RANBP2: variants seen among roughly 807,000 people sequenced by gnomAD.
RANBP2 encodes E3 SUMO-protein ligase RanBP2.
In RANBP2, 57 loss-of-function variants were observed where a neutral mutation model predicts 303.6. The observed-to-expected ratio is 0.19, with a 90% CI of 0.15 to 0.23. The LOEUF (loss-of-function observed/expected upper bound fraction) is 0.23. RANBP2 is among the 10% of genes least tolerant of loss of function. RANBP2 has a pLI of 1.00. For missense variants in RANBP2, 3,138 were observed against 3,780.8 expected, an observed-to-expected ratio of 0.83 and a Z score of 4.46; for synonymous variants, 1,167 against 1,301.5, an observed-to-expected ratio of 0.90 and a Z score of 2.23.
At chr2:109,432,431 C>G in the RANBP2 span, 4,717 of 1,575,952 alleles carry the variant, frequency 3.0e-3, 110 homozygotes, top group East Asian at 0.051. Flanking sequence ...AACCTCCCCC[C>G]AGGAATGCCG....
chr2:109,610,506 G>A, the RANBP2 span, among the ~76,000 whole-genome samples: 1 of 152,136 alleles, frequency 6.6e-6, no homozygotes, highest in Non-Finnish European at 1.5e-5. Flanking sequence ...CCTGAGGTTG[G>A]GAGTTCAAGA....
the RANBP2 span, among the ~76,000 whole-genome samples, chr2:109,719,447 G>A: frequency 2.1e-3 from 256 of 122,212 alleles, no homozygotes; most frequent in Non-Finnish European, 1.7e-3. Flanking sequence ...TTGCTCTGTC[G>A]CCAGGCTGGA....
At chr2:108,727,681 GCAGCCT>G (rs1202321283) in intron 1 of RANBP2, among the ~76,000 whole-genome samples, 1 of 146,802 alleles carries the variant, frequency 6.8e-6, no homozygotes, top group African/African-American at 2.5e-5. Flanking sequence ...TTGGCCCACT[GCAGCCT>G]CTGCCTCCCG....
At chr2:109,331,464 C>T in the RANBP2 span, among the ~76,000 whole-genome samples, 1 of 152,132 alleles carries the variant, frequency 6.6e-6, no homozygotes, top group Non-Finnish European at 1.5e-5. Flanking sequence ...GGAGCACTTT[C>T]TCCCAAAACC....
At chr2:109,054,439 G>T in the RANBP2 span, among the ~76,000 whole-genome samples, 1 of 152,164 alleles carries the variant, frequency 6.6e-6, no homozygotes, top group Non-Finnish European at 1.5e-5. Flanking sequence ...GGGCGCGGTG[G>T]CTCACGCCTG....
the RANBP2 span, among the ~76,000 whole-genome samples, chr2:109,507,930 C>T: frequency 1.2e-4 from 18 of 152,304 alleles, no homozygotes; most frequent in Admixed American, 1.2e-3. Context: ...GTGGGCAAAG[C>T]CTGTCCTGTC....
the RANBP2 span, among the ~76,000 whole-genome samples, chr2:109,694,375 C>T: frequency 6.6e-6 from 1 of 151,718 alleles, no homozygotes; most frequent in Non-Finnish European, 1.5e-5. Flanking sequence ...GGTTCCTCTA[C>T]AGCCTGCAGA....
chr2:109,582,108 A>ACT, the RANBP2 span, among the ~76,000 whole-genome samples: 1 of 143,086 alleles, frequency 7.0e-6, no homozygotes, highest in South Asian at 2.2e-4. Context: ...ACACACACAC[A>ACT]CACACTCACT....
chr2:108,806,637 G>A, the RANBP2 span, among the ~76,000 whole-genome samples: 7 of 152,138 alleles, frequency 4.6e-5, no homozygotes, highest in Non-Finnish European at 1.0e-4. Context: ...AGTAACGAGC[G>A]TGGCTGTGTT....
At chr2:108,798,442 A>G in the RANBP2 span, 1 of 1,612,916 alleles carries the variant, frequency 6.2e-7, no homozygotes, top group Non-Finnish European at 8.5e-7. Flanking sequence ...AAACTGCAGC[A>G]CAACAGAAAT....
the RANBP2 span, among the ~76,000 whole-genome samples, chr2:109,704,552 T>TA: frequency 2.0e-5 from 3 of 147,398 alleles, no homozygotes; most frequent in Non-Finnish European, 3.0e-5. Context: ...CAAATAAAAA[T>TA]TAAAAAATTA....
At chr2:109,756,372 TAAAC>T in the RANBP2 span, among the ~76,000 whole-genome samples, 195 of 82,534 alleles carry the variant, frequency 2.4e-3, 14 homozygotes, top group Non-Finnish European at 1.9e-4. Context: ...TTTAAGTAAA[TAAAC>T]AATGTTCAGG....
Position 108,764,774 on chromosome 2 carries a change from C to T in RANBP2, c.4235C>T (p.Thr1412Ile), listed in dbSNP as rs751714561. ...ENVQDRFALV[T>I]PKKEGHWDCS... ...GTTCAAGATCGATTTGCATTGGTGA[C>T]TCCAAAGAAAGAAGGTCACTGGGAT... Residue 1412 changes from threonine to isoleucine, a missense_variant, in exon 20 of 29, where the codon ACT (threonine) becomes ATT (isoleucine). This residue lies in a region of RANBP2 where 388 missense variants were observed against 328.5 expected (regional missense o/e 1.18). Coordinates refer to ENST00000283195, the MANE Select transcript of RANBP2 (RefSeq NM_006267.5). 3 of 1,614,004 alleles carry T rather than the reference C, an allele frequency of 1.9e-6. No homozygotes were observed. In the South Asian group the frequency reaches 3.3e-5, roughly 18 times the overall value.
At chr2:109,419,717 G>A in the RANBP2 span, 4 of 1,414,022 alleles carry the variant, frequency 2.8e-6, no homozygotes, top group African/African-American at 5.7e-5. Flanking sequence ...CTGTCCACGT[G>A]TGGTTTCCGC....
At chr2:109,116,143 C>T in the RANBP2 span, among the ~76,000 whole-genome samples, 2 of 152,032 alleles carry the variant, frequency 1.3e-5, no homozygotes, top group Non-Finnish European at 2.9e-5. Context: ...ATCTTTGTGG[C>T]GTTCTCTGTA....
the RANBP2 span, among the ~76,000 whole-genome samples, chr2:108,974,186 T>C: frequency 4.0e-5 from 6 of 151,214 alleles, no homozygotes; most frequent in South Asian, 8.4e-4. Flanking sequence ...AAAAATTAGC[T>C]GGGCGTGGTG....
At chr2:108,787,874 A>G (rs575393725), downstream of RANBP2, 2 of 249,300 alleles carry the variant, frequency 8.0e-6, no homozygotes, top group Admixed American at 6.5e-5. Flanking sequence ...GGTTTGTCAC[A>G]TTATTGATGA....
the RANBP2 span, among the ~76,000 whole-genome samples, chr2:109,379,769 T>G: frequency 6.6e-6 from 1 of 152,032 alleles, no homozygotes; most frequent in Non-Finnish European, 1.5e-5. Context: ...TGTAAAGCCC[T>G]CCTGCAGGTG....
At chr2:108,772,837 T>G in intron 22 of RANBP2, 31 bp from the exon 23 acceptor site, 1 of 1,608,104 alleles carries the variant, frequency 6.2e-7, no homozygotes, top group Non-Finnish European at 8.5e-7. Context: ...TTCATCTAAT[T>G]TCGTTTGCTT....
Sources: allele counts gnomAD v4.1 joint callset (sites outside exome capture counted in the v4.1 genomes callset), GRCh38; gene constraint gnomAD v4.1.1; regional missense constraint gnomAD v4.1.1; transcripts MANE v1.5; gene names NCBI Gene and HGNC (gene_info 2026-07-23, HGNC 2026-07-21).